The following CCNL2 variants were observed in gnomAD, a reference collection of about 807,000 sequenced individuals.
CCNL2 encodes cyclin-L2.
In CCNL2, 28 loss-of-function variants were observed where a neutral mutation model predicts 59.1. The ratio of observed to expected loss-of-function variants is 0.47; its 90% CI spans 0.35 to 0.65. The LOEUF is 0.65. Ranked by LOEUF, CCNL2 falls within the 30% of genes least tolerant of loss-of-function variation. The probability of loss-of-function intolerance (pLI) is 0.00; values close to 1 mark genes in which losing one functional copy is unlikely to be tolerated. For missense variants in CCNL2, 714 were observed against 717.4 expected, an observed-to-expected ratio of 1.00 and a Z score of 0.05; for synonymous variants, 342 against 288.6, an observed-to-expected ratio of 1.19 and a Z score of -1.88.
At chr1:1,388,772 G>GAAA (rs775917140) in intron 8 of CCNL2, 2,273 of 155,328 alleles carry the variant, frequency 0.015, no homozygotes, top group South Asian at 0.024. Context: ...CTCCGTCTCA[G>GAAA]AAAAAAAAAA....
intron 5 of CCNL2, 195 bp downstream of exon 5, chr1:1,393,201 C>T (rs1206585984): frequency 1.8e-5 from 11 of 599,156 alleles, no homozygotes; most frequent in Admixed American, 2.9e-5. Flanking sequence ...AGGGAGGGGA[C>T]GGGCCACCTA....
Position 1,390,495 on chromosome 1 carries a change from G to C in CCNL2, c.828C>G (p.Ile276Met). 6.2e-7 allele frequency: 1 copy of C among 1,613,812 alleles called. No individual in the cohort carries two copies. Among genetic ancestry groups the C allele is most frequent in the Non-Finnish European group, 8.5e-7 (1 of 1,179,912 alleles). ...FGATEEEIQE[I>M]CLKILQLYAR... is the part of the protein sequence containing the mutation. The stretch of plus-strand genomic sequence containing the variant: ...CATAAAGCTGCAAGATCTTTAAGCA[G>C]ATTTCCTGAATTTCTTCTTCAGTTG... Residue 276 changes from isoleucine to methionine, a missense_variant, in exon 7 of 11, where the codon ATC (isoleucine) becomes ATG (methionine). Physicochemically the swap from Ile to Met is conservative, Grantham distance 10 (BLOSUM62 1). Around this residue, in one of 5 missense-constraint regions of CCNL2, gnomAD observed 403 missense variants for 377.7 expected, o/e 1.07. Transcript: ENST00000400809.
At chr1:1,393,825 A>C (rs1644871682) in intron 4 of CCNL2, among the ~76,000 whole-genome samples, 1 of 152,254 alleles carries the variant, frequency 6.6e-6, no homozygotes, top group South Asian at 2.1e-4. Context: ...TACTTTCAGC[A>C]AACAGAGAAG....
At chr1:1,390,423 C>T (rs368494898) in intron 7 of CCNL2, 36 bp downstream of exon 7, 10 of 1,611,732 alleles carry the variant, frequency 6.2e-6, no homozygotes, top group African/African-American at 1.3e-5. Context: ...TGGCCAAACA[C>T]AAACGCATAC....
Position 1,394,955 on chromosome 1 carries a change from G to T in CCNL2, c.594+439C>A, listed in dbSNP as rs1029369343. Among the ~76,000 whole-genome samples the T allele has an allele frequency of 1.1e-3, 164 of 152,170 alleles. 3 individuals are homozygous for T. Among genetic ancestry groups the T allele is most frequent in the Admixed American group, 0.011 (163 of 15,296 alleles). On this transcript the variant is annotated intron_variant, in intron 4 of 10. Coordinates refer to ENST00000400809, the MANE Select transcript of CCNL2 (RefSeq NM_030937.6). ...GCCTGTAGTGCCAGCTACTCAGGAGGCTGAGGCAGGAGAATGGCTTGAAGC... is the reference window on the plus strand; with the variant it reads ...GCCTGTAGTGCCAGCTACTCAGGAGTCTGAGGCAGGAGAATGGCTTGAAGC...
chr1:1,398,269 T>A lies in CCNL2; in HGVS notation c.437A>T (p.Asn146Ile). The A allele has an allele frequency of 6.2e-7, 1 of 1,614,224 alleles. No homozygotes were observed. Among genetic ancestry groups the A allele is most frequent in the East Asian group, 2.2e-5 (1 of 44,888 alleles). ...CAGCTGTCGAAGGCGGTGAAACACA[T>A]TGATGACGTCCCGTATGCGTCTTGG... ...EAPRRIRDVI[N>I]VFHRLRQLRD... Residue 146 changes from asparagine to isoleucine, a missense_variant, in exon 3 of 11, where the codon AAT becomes ATT. Asn to Ile is a moderately radical substitution (Grantham distance 149). Coordinates refer to ENST00000400809, the MANE Select transcript of CCNL2 (RefSeq NM_030937.6).
Position 1,387,560 on chromosome 1 carries a change from A to G in CCNL2, c.1234T>C (p.Ser412Pro), listed in dbSNP as rs1396470610. The G allele has an allele frequency of 8.0e-6, 12 of 1,505,644 alleles. No individual in the cohort carries two copies. The South Asian group carries it at 9.3e-5, about 12-fold the overall frequency. The allele number at this position is 1,505,644 out of a possible 1,614,324, so 93.3% of individuals were successfully genotyped here. ...KRRKSDSGST[S>P]GGSKSQSRSR... The stretch of plus-strand genomic sequence containing the variant: ...CGGCTCTGCGACTTGGACCCACCAG[A>G]TGTGGAGCCGCTGTCACTTTTCCTG... The change falls in exon 11 of 11, where the codon TCT (serine) becomes CCT (proline). Residue 412 changes from serine (S) to proline (P), a missense_variant. Around this residue, in one of 5 missense-constraint regions of CCNL2, gnomAD observed 403 missense variants for 377.7 expected, o/e 1.07. Transcript: ENST00000400809.
rs1040121223 is a variant in CCNL2, at chr1:1,386,939, A to G, written c.*292T>C. On this transcript the variant is annotated 3_prime_UTR_variant, in exon 11 of 11. Transcript: ENST00000400809. ...AGGCCACGCCAACAAGGGCGTGTGC[A>G]TTCACTTTTTCATTGAGCTGCCCTC... 1 of 366,122 alleles carries G rather than the reference A, an allele frequency of 2.7e-6. No homozygotes were observed. Among genetic ancestry groups the G allele is most frequent in the Non-Finnish European group, 4.9e-6 (1 of 203,348 alleles). The allele number at this position is 366,122 out of a possible 1,614,324, so 22.7% of individuals were successfully genotyped here. A position where few individuals can be genotyped will look rare whatever the true frequency, so the allele number is the denominator to read the frequency against.
In CCNL2 at chr1:1,390,308, C is replaced by A. The variant is rs750853732; in HGVS notation, c.928G>T (p.Ala310Ser). 1 of 1,614,028 alleles carries A rather than the reference C, an allele frequency of 6.2e-7. No individual in the cohort carries two copies. Among genetic ancestry groups the A allele is most frequent in the Non-Finnish European group, 8.5e-7 (1 of 1,179,956 alleles). Residue 310 changes from alanine to serine, a missense_variant, in exon 8 of 11, where the codon GCC becomes TCC. Physicochemically the swap from Ala to Ser is moderately conservative, Grantham distance 99. Transcript: ENST00000400809. The stretch of plus-strand genomic sequence containing the variant: ...CCAGGCAACAGGCCCCGGGCTTGGG[C>A]CTTTGCCTCTTCGATAGCGTGCTTT... ...KRKHAIEEAK[A>S]QARGLLPGGT... is the part of the protein sequence containing the mutation.
intron 3 of CCNL2, among the ~76,000 whole-genome samples, chr1:1,397,633 C>T (rs1645113917): frequency 1.3e-5 from 2 of 152,140 alleles, no homozygotes; most frequent in Admixed American, 1.3e-4. Context: ...AGGCTAAGGC[C>T]AGCAAATCCT....
rs1289040544 is a variant in CCNL2, at chr1:1,390,387, G to T, written c.865-16C>A. ...TGAGATCAACCTGCAAAAGCCAGAA[G>T]GTGTCCGTTCAGAACCAGGTGTTTC... On this transcript the variant is annotated splice_polypyrimidine_tract_variant and intron_variant, in intron 7 of 10. Coordinates refer to ENST00000400809, the MANE Select transcript of CCNL2 (RefSeq NM_030937.6). 1 of 1,612,116 alleles carries T rather than the reference G, an allele frequency of 6.2e-7. No individual in the cohort carries two copies. Among genetic ancestry groups the T allele is most frequent in the South Asian group, 1.1e-5 (1 of 91,052 alleles).
At chr1:1,398,178 C>G in intron 3 of CCNL2, 55 bp downstream of exon 3, 1 of 1,533,836 alleles carries the variant, frequency 6.5e-7, no homozygotes, top group South Asian at 1.1e-5. Context: ...GTAACTTAAT[C>G]AGAAATAAAG....
At chr1:1,388,112 C>A (rs776571206) in intron 8 of CCNL2, 47 bp from the exon 9 acceptor site, 73 of 1,459,214 alleles carry the variant, frequency 5.0e-5, no homozygotes, top group Non-Finnish European at 7.0e-5. Context: ...AACACTCTCC[C>A]AATAAGAAAC....
At chr1:1,387,914 G>A (rs556747357) in intron 9 of CCNL2, 40 bp downstream of exon 9, 2 of 1,613,400 alleles carry the variant, frequency 1.2e-6, no homozygotes, top group East Asian at 2.2e-5. Flanking sequence ...AGTCCCTCCA[G>A]CCAACCCTGA....
chr1:1,388,366 CA>C, intron 8 of CCNL2: 1 of 403,508 alleles, frequency 2.5e-6, no homozygotes, highest in Non-Finnish European at 4.7e-6. Context: ...ACTAAAACTA[CA>C]AAAATTAGCT....
At position 1,385,981 on chromosome 1, in the gene CCNL2, C is replaced by T. The variant is rs1483789633; in HGVS notation, c.*1250G>A. 1 of 152,194 alleles carries T rather than the reference C, an allele frequency of 6.6e-6. No individual in the cohort carries two copies. Among genetic ancestry groups the T allele is most frequent in the Non-Finnish European group, 1.5e-5 (1 of 68,064 alleles). 9.4% of individuals were successfully genotyped at this position (152,194 alleles called of 1,614,324 possible). On this transcript the variant is annotated 3_prime_UTR_variant, in exon 11 of 11. Transcript: ENST00000400809. ...TCAAAAAAGTCATCAGGCGTAACTC[C>T]CCGTTATCCCACTAGCCCCGGCCTA...
chr1:1,388,453 G>A (rs969803249), intron 8 of CCNL2: 11 of 445,286 alleles, frequency 2.5e-5, no homozygotes, highest in Non-Finnish European at 3.6e-5. Context: ...CCCAGGAGGC[G>A]GAGGTTACAG....
intron 4 of CCNL2, among the ~76,000 whole-genome samples, chr1:1,394,058 G>A (rs1022767258): frequency 7.9e-5 from 12 of 151,856 alleles, no homozygotes; most frequent in East Asian, 7.8e-4. Context: ...ACCAGGAGGC[G>A]GAGGCTGCAT....
At chr1:1,397,616 C>G (rs1214421435) in intron 3 of CCNL2, among the ~76,000 whole-genome samples, 3 of 152,174 alleles carry the variant, frequency 2.0e-5, no homozygotes, top group Non-Finnish European at 2.9e-5. Flanking sequence ...AATCCCAGTG[C>G]TTTGGGAGGC....
Sources: allele counts gnomAD v4.1 joint callset (sites outside exome capture counted in the v4.1 genomes callset), GRCh38; gene constraint gnomAD v4.1.1; regional missense constraint gnomAD v4.1.1; transcripts MANE v1.5; gene names NCBI Gene and HGNC (gene_info 2026-07-23, HGNC 2026-07-21).